The following COBLL1 variants were observed in gnomAD, a reference collection of about 807,000 sequenced individuals.
COBLL1 encodes the protein cordon-bleu WH2 repeat protein like 1.
Under a neutral mutation model 94.8 loss-of-function variants are expected in COBLL1, and 50 were observed. The ratio of observed to expected loss-of-function variants is 0.53; its 90% CI spans 0.42 to 0.67. COBLL1 has a LOEUF of 0.67. Among genes scored for constraint, COBLL1 ranks in the 30% least tolerant of loss-of-function variants. The pLI is 0.00. For synonymous variants in COBLL1, 448 were observed against 473.8 expected (o/e 0.95, Z 0.71); for missense variants, 1,362 against 1,348.7 (o/e 1.01, Z -0.15).
At position 164,817,247 on chromosome 2, in the gene COBLL1, G is replaced by A. The variant is rs1246425189; in HGVS notation, c.41+23909C>T. Among the ~76,000 whole-genome samples, 3 of 151,716 alleles carry A rather than the reference G, an allele frequency of 2.0e-5. 1 individual carries two copies. The East Asian group carries it at 5.8e-4, about 29-fold the overall frequency. ...CACAGTTGAAAGCCTTCAAGGCTGA[G>A]AAAGACTGAATAGAACCCAAACTAA... On this transcript the variant is annotated intron_variant, in intron 2 of 13. Transcript: ENST00000652658.
At chr2:164,707,546 T>C (rs1222157092) in intron 7 of COBLL1, among the ~76,000 whole-genome samples, 1 of 152,218 alleles carries the variant, frequency 6.6e-6, no homozygotes, top group Non-Finnish European at 1.5e-5. Flanking sequence ...TAACATACTA[T>C]ACAGTTGACT....
intron 7 of COBLL1, among the ~76,000 whole-genome samples, chr2:164,718,935 G>A (rs1340809037): frequency 1.3e-5 from 2 of 151,782 alleles, no homozygotes; most frequent in African/African-American, 4.8e-5. Flanking sequence ...GCATTAAAAA[G>A]TTTAAAAGTA....
chr2:164,765,051 T>G (rs752217877), intron 2 of COBLL1, among the ~76,000 whole-genome samples: 14 of 152,116 alleles, frequency 9.2e-5, no homozygotes, highest in Non-Finnish European at 1.6e-4. Context: ...CAAAAAACAG[T>G]ATTAAGCAAC....
chr2:164,728,018 A>T lies in COBLL1; in HGVS notation c.612T>A (p.Ser204=). The T allele has an allele frequency of 6.2e-7, 1 of 1,613,724 alleles. No individual in the cohort carries two copies. The highest frequency in any genetic ancestry group is 8.5e-7 in the Non-Finnish European group (1 of 1,179,652). Residue 204 remains serine (S), a synonymous_variant, in exon 5 of 14, where the codon TCT becomes TCA. Transcript: ENST00000652658. ...QSQEPLDLTK[S]LNDLGLRELY... is the part of the protein sequence containing the mutation. ...ATTCTCTTAGTCCCAGGTCATTAAG[A>T]GATTTTGTCAAGTCAAGAGGCTCCT...
At chr2:164,819,260 T>C (rs966770623) in intron 2 of COBLL1, among the ~76,000 whole-genome samples, 6 of 152,176 alleles carry the variant, frequency 3.9e-5, no homozygotes, top group African/African-American at 1.4e-4. Context: ...GCGAAATATT[T>C]AGAACATAGG....
chr2:164,733,936 G>A (rs1686156792), intron 3 of COBLL1, among the ~76,000 whole-genome samples: 1 of 152,264 alleles, frequency 6.6e-6, no homozygotes, highest in African/African-American at 2.4e-5. Flanking sequence ...CTGCCATACT[G>A]GATAGAGTAA....
In COBLL1 at chr2:164,841,531, A is replaced by C; in HGVS notation, c.-51+179T>G. 2 of 911,992 alleles carry C rather than the reference A, an allele frequency of 2.2e-6. No homozygotes were observed. Among genetic ancestry groups the C allele is most frequent in the Non-Finnish European group, 2.7e-6 (2 of 729,826 alleles). The allele number at this position is 911,992 out of a possible 1,614,324, so 56.5% of individuals were successfully genotyped here. On this transcript the variant is annotated intron_variant, in intron 1 of 13. Coordinates refer to ENST00000652658, the MANE Select transcript of COBLL1 (RefSeq NM_001365672.2). The surrounding 1 kb of genome is among the most constrained non-coding windows in gnomAD (Gnocchi z 5.5). ...ATTTGGCGCCTCTCGGAGGGAGAGG[A>C]GCCGCCGGGGCTGGAAAAGGAGGAG...
At chr2:164,665,680 T>C (rs1691148881) in intron 2 of COBLL1, among the ~76,000 whole-genome samples, 1 of 152,202 alleles carries the variant, frequency 6.6e-6, no homozygotes, top group Non-Finnish European at 1.5e-5. Flanking sequence ...TTAATTAAAT[T>C]AATTCAAATG....
chr2:164,676,972 G>C (rs1373866753), downstream of COBLL1, among the ~76,000 whole-genome samples: 1 of 151,782 alleles, frequency 6.6e-6, no homozygotes, highest in African/African-American at 2.4e-5. Flanking sequence ...TTATATCATA[G>C]AATAAACATC....
intron 2 of COBLL1, among the ~76,000 whole-genome samples, chr2:164,838,501 G>A (rs1055387672): frequency 6.6e-6 from 1 of 152,124 alleles, no homozygotes. Context: ...CCGTTAAAAT[G>A]TATAACGTCA....
At chr2:164,719,796 A>G (rs1294636101) in intron 7 of COBLL1, among the ~76,000 whole-genome samples, 2 of 152,188 alleles carry the variant, frequency 1.3e-5, no homozygotes, top group Non-Finnish European at 2.9e-5. Context: ...AACATATTCA[A>G]ACCACTACAG....
At chr2:164,737,517 AATAAGG>A (rs540344370) in intron 3 of COBLL1, among the ~76,000 whole-genome samples, 28 of 152,358 alleles carry the variant, frequency 1.8e-4, no homozygotes, top group Non-Finnish European at 4.1e-4. Context: ...ATTACAGCAG[AATAAGG>A]ATCTAAACCA....
chr2:164,711,034 G>A (rs1056052168), intron 7 of COBLL1, among the ~76,000 whole-genome samples: 3 of 152,074 alleles, frequency 2.0e-5, no homozygotes, highest in South Asian at 2.1e-4. Flanking sequence ...GGTAGAAGGC[G>A]ACCCACTACA....
chr2:164,778,637 A>G (rs355893), intron 2 of COBLL1, among the ~76,000 whole-genome samples: 37,312 of 152,028 alleles, frequency 0.25, 5,562 homozygotes, highest in African/African-American at 0.41. Context: ...TGTAGGCCAT[A>G]CTGAATTTAG....
At chr2:164,792,359 G>A (rs949148140) in intron 2 of COBLL1, among the ~76,000 whole-genome samples, 4 of 151,920 alleles carry the variant, frequency 2.6e-5, no homozygotes, top group Non-Finnish European at 5.9e-5. Flanking sequence ...AAACTTCTGG[G>A]CTCAAGCCAT....
At chr2:164,711,818 G>T (rs1418284792) in intron 7 of COBLL1, among the ~76,000 whole-genome samples, 1 of 152,128 alleles carries the variant, frequency 6.6e-6, no homozygotes. Context: ...AGAAAACACA[G>T]AGGTTTCTAC....
chr2:164,675,440 T>A (rs1340874646), downstream of COBLL1, among the ~76,000 whole-genome samples: 2 of 152,148 alleles, frequency 1.3e-5, no homozygotes, highest in East Asian at 3.8e-4. Flanking sequence ...AGATTTTAAA[T>A]TTATATTTAA....
chr2:164,731,077 G>A (rs1685985524), intron 3 of COBLL1, among the ~76,000 whole-genome samples: 1 of 152,174 alleles, frequency 6.6e-6, no homozygotes, highest in Admixed American at 6.5e-5. Flanking sequence ...TGTAAATACA[G>A]TTGTATTAGA....
chr2:164,825,205 A>C (rs929425301), intron 2 of COBLL1, among the ~76,000 whole-genome samples: 3 of 152,076 alleles, frequency 2.0e-5, no homozygotes, highest in Admixed American at 1.3e-4. Context: ...ACTGTTCTTA[A>C]ATTACTGTGA....
Sources: allele counts gnomAD v4.1 joint callset (sites outside exome capture counted in the v4.1 genomes callset), GRCh38; gene constraint gnomAD v4.1.1; non-coding constraint Gnocchi (gnomAD v3.1); transcripts MANE v1.5; gene names NCBI Gene and HGNC (gene_info 2026-07-23, HGNC 2026-07-21).